PTPN12: variants seen among roughly 807,000 people sequenced by gnomAD.
PTPN12 encodes the protein tyrosine-protein phosphatase non-receptor type 12.
A neutral mutation model predicts 97.6 loss-of-function variants in PTPN12; 29 were observed. The observed-to-expected ratio is 0.30, with a 90% CI of 0.22 to 0.41. The LOEUF is 0.41. Among genes scored for constraint, PTPN12 ranks in the 10% least tolerant of loss-of-function variants. PTPN12 has a pLI of 1.00. For missense variants in PTPN12, 819 were observed against 926.0 expected, an observed-to-expected ratio of 0.88 and a Z score of 1.50; for synonymous variants, 327 against 300.4, an observed-to-expected ratio of 1.09 and a Z score of -0.91.
intron 15 of PTPN12, among the ~76,000 whole-genome samples, chr7:77,636,551 C>T (rs1182322133): frequency 6.6e-6 from 1 of 152,162 alleles, no homozygotes; most frequent in African/African-American, 2.4e-5. Context: ...CACTGCACTC[C>T]AGCCTGAGTG....
At chr7:77,602,202 A>G (rs926593897) in intron 8 of PTPN12, among the ~76,000 whole-genome samples, 1 of 152,154 alleles carries the variant, frequency 6.6e-6, no homozygotes, top group Non-Finnish European at 1.5e-5. Context: ...GGGTTAATGT[A>G]TAATATATTT....
intron 12 of PTPN12, among the ~76,000 whole-genome samples, chr7:77,622,720 G>A (rs761153889): frequency 3.0e-4 from 45 of 151,874 alleles, no homozygotes; most frequent in African/African-American, 9.4e-4. Context: ...ACAGTGAGTC[G>A]AGATCGCGCC....
intron 1 of PTPN12, among the ~76,000 whole-genome samples, chr7:77,564,746 G>GTTTTTTTGTTTTTTTTTTTTTT (rs1808165507): frequency 2.0e-4 from 9 of 45,370 alleles, no homozygotes; most frequent in African/African-American, 2.7e-4. Flanking sequence ...TTGTTGTCGT[G>GTTTTTTTGTTTTTTTTTTTTTT]TTTTTTTTTT....
chr7:77,609,845 T>C (rs906692159), intron 9 of PTPN12, among the ~76,000 whole-genome samples: 2 of 150,120 alleles, frequency 1.3e-5, no homozygotes, highest in African/African-American at 4.9e-5. Context: ...CACGCCACCG[T>C]ACTCCAGCCT....
At chr7:77,581,885 G>T (rs1023545611) in intron 3 of PTPN12, among the ~76,000 whole-genome samples, 1 of 151,926 alleles carries the variant, frequency 6.6e-6, no homozygotes, top group Non-Finnish European at 1.5e-5. Flanking sequence ...AAACATCTTT[G>T]TTGTTTTGAA....
intron 1 of PTPN12, chr7:77,538,904 T>G (rs1281355794): frequency 6.6e-6 from 1 of 152,064 alleles, no homozygotes; most frequent in Non-Finnish European, 1.5e-5. Flanking sequence ...TCCTTAGTCT[T>G]GGCGGGGGTT....
At chr7:77,577,022 A>G (rs992089512) in intron 2 of PTPN12, among the ~76,000 whole-genome samples, 1 of 152,186 alleles carries the variant, frequency 6.6e-6, no homozygotes, top group African/African-American at 2.4e-5. Flanking sequence ...TTTTCAGTGG[A>G]CAGAACTGGG....
chr7:77,538,932 T>C (rs1806814681), intron 1 of PTPN12: 3 of 152,108 alleles, frequency 2.0e-5, no homozygotes, highest in Admixed American at 2.0e-4. Context: ...GGAAATAAGC[T>C]GGGGAAAATT....
chr7:77,626,239 AT>A (rs2151393807), intron 12 of PTPN12, among the ~76,000 whole-genome samples: 1 of 152,330 alleles, frequency 6.6e-6, no homozygotes, highest in Non-Finnish European at 1.5e-5. Flanking sequence ...AAGATACGAA[AT>A]CATGGTGTCA....
intron 2 of PTPN12, 99 bp downstream of exon 2, chr7:77,571,285 TAG>T (rs1274513651): frequency 1.5e-6 from 1 of 689,168 alleles, no homozygotes; most frequent in Non-Finnish European, 2.4e-6. Context: ...GTTAAGGAAG[TAG>T]TAATTAACCT....
intron 11 of PTPN12, among the ~76,000 whole-genome samples, chr7:77,613,815 C>T (rs773787913): frequency 3.3e-5 from 5 of 151,562 alleles, no homozygotes; most frequent in Non-Finnish European, 7.4e-5. Flanking sequence ...TGGACTCAAG[C>T]AATCCATCCG....
intron 1 of PTPN12, 31 bp from the exon 2 acceptor site, chr7:77,571,047 A>G: frequency 7.0e-7 from 1 of 1,430,390 alleles, no homozygotes. Context: ...CTGTTTCTCT[A>G]AACTTTAATT....
intron 1 of PTPN12, among the ~76,000 whole-genome samples, chr7:77,559,492 A>G (rs1221145511): frequency 3.9e-5 from 6 of 152,174 alleles, no homozygotes; most frequent in African/African-American, 1.4e-4. Context: ...TAGGTGATAT[A>G]ATAAAGAAGT....
chr7:77,567,636 G>A (rs1049077596), intron 1 of PTPN12, among the ~76,000 whole-genome samples: 1 of 152,162 alleles, frequency 6.6e-6, no homozygotes, highest in African/African-American at 2.4e-5. Context: ...CCAGCAATGT[G>A]GCCCTCCAGG....
intron 1 of PTPN12, among the ~76,000 whole-genome samples, chr7:77,564,746 G>GTGT: frequency 2.2e-5 from 1 of 45,402 alleles, no homozygotes; most frequent in South Asian, 1.3e-3. Context: ...TTGTTGTCGT[G>GTGT]TTTTTTTTTT....
chr7:77,540,601 G>A (rs915358020), intron 1 of PTPN12, among the ~76,000 whole-genome samples: 2 of 149,894 alleles, frequency 1.3e-5, no homozygotes, highest in Non-Finnish European at 3.0e-5. Flanking sequence ...ATAGCTAGGT[G>A]ATTCTACATT....
chr7:77,564,744 G>GTTTTTTTTT (rs1329627463), intron 1 of PTPN12, among the ~76,000 whole-genome samples: 2 of 34,364 alleles, frequency 5.8e-5, no homozygotes, highest in Non-Finnish European at 5.4e-5. Flanking sequence ...TTTTGTTGTC[G>GTTTTTTTTT]TGTTTTTTTT....
At chr7:77,538,136 T>A in intron 1 of PTPN12, 1 of 984,884 alleles carries the variant, frequency 1.0e-6, no homozygotes, top group Non-Finnish European at 1.2e-6. Context: ...ATCCCTTTGC[T>A]CTAGCTGGTC....
intron 1 of PTPN12, among the ~76,000 whole-genome samples, chr7:77,560,709 G>C (rs1247344378): frequency 6.6e-6 from 1 of 152,136 alleles, no homozygotes; most frequent in African/African-American, 2.4e-5. Flanking sequence ...GTTCATCCAT[G>C]TTGTAGTATG....
Sources: gnomAD v4.1 joint callset for allele counts (sites outside exome capture counted in the v4.1 genomes callset) on GRCh38, gnomAD v4.1.1 for gene constraint, MANE v1.5 for transcripts, NCBI Gene and HGNC (gene_info 2026-07-23, HGNC 2026-07-21) for gene names.